PPP2R2C: variants seen among roughly 807,000 people sequenced by gnomAD.
PPP2R2C encodes protein phosphatase 2, regulatory subunit B, gamma.
PPP2R2C carries 10 observed loss-of-function variants against 45.3 expected under a neutral mutation model. The ratio of observed to expected loss-of-function variants is 0.22; its 90% CI spans 0.14 to 0.37. The LOEUF is 0.37. Ranked by LOEUF, PPP2R2C falls within the 10% of genes least tolerant of loss-of-function variation. The probability of loss-of-function intolerance (pLI) is 1.00; values close to 1 mark genes in which losing one functional copy is unlikely to be tolerated. For missense variants in PPP2R2C, 308 were observed against 619.7 expected, an observed-to-expected ratio of 0.50 and a Z score of 5.34; for synonymous variants, 257 against 245.4, an observed-to-expected ratio of 1.05 and a Z score of -0.44.
At chr4:6,448,227 G>C (rs1720536583) in intron 1 of PPP2R2C, among the ~76,000 whole-genome samples, 3 of 152,150 alleles carry the variant, frequency 2.0e-5, no homozygotes, top group African/African-American at 7.2e-5. Context: ...CACCGCTGCA[G>C]GATTTAAGAA....
rs371274076 is a variant in PPP2R2C, at chr4:6,436,452, G to A, written c.70+35708C>T. Reference sequence around the variant, plus strand: ...TTTACTGCACTTCCCCACATATGAGGTTCCAGAAGCTATGGTTCCATCAAA... The same window carrying A: ...TTTACTGCACTTCCCCACATATGAGATTCCAGAAGCTATGGTTCCATCAAA... On this transcript the variant is annotated intron_variant, in intron 1 of 8. Transcript: ENST00000382599. Among the ~76,000 whole-genome samples the A allele has an allele frequency of 1.8e-4, 28 of 152,286 alleles. No individual in the cohort carries two copies. In the East Asian group the frequency reaches 3.9e-3, roughly 21 times the overall value.
chr4:6,458,470 C>T (rs1200837674), intron 1 of PPP2R2C, among the ~76,000 whole-genome samples: 1 of 152,152 alleles, frequency 6.6e-6, no homozygotes, highest in Admixed American at 6.5e-5. Context: ...TTTATAAGGG[C>T]ACTAATCCCA....
At chr4:6,534,135 AAC>A (rs1282087593) in intron 2 of PPP2R2C, among the ~76,000 whole-genome samples, 1 of 149,930 alleles carries the variant, frequency 6.7e-6, no homozygotes, top group East Asian at 2.0e-4. Flanking sequence ...CACATACACT[AAC>A]ACACACACCA....
At position 6,384,393 on chromosome 4, in the gene PPP2R2C, G is replaced by A. The variant is rs114174438; in HGVS notation, c.71-3299C>T. 6.2e-5 allele frequency: 61 copies of A among 985,176 alleles called. No individual in the cohort carries two copies. The East Asian group carries it at 6.8e-4, about 11-fold the overall frequency. The allele number at this position is 985,176 out of a possible 1,614,324, so 61.0% of individuals were successfully genotyped here. ...GAAGAGAATTCTCCAAAATGTGAAC[G>A]GAGGTAGCTTTAGGGTAGCTGGAAC... On this transcript the variant is annotated intron_variant, in intron 1 of 8. Coordinates refer to ENST00000382599, the MANE Select transcript of PPP2R2C (RefSeq NM_020416.4).
At chr4:6,541,632 T>C (rs1429854577) in intron 1 of PPP2R2C, among the ~76,000 whole-genome samples, 4 of 152,146 alleles carry the variant, frequency 2.6e-5, no homozygotes, top group Non-Finnish European at 4.4e-5. Flanking sequence ...CTGCAACCTC[T>C]GCCTCCCAGG....
At chr4:6,348,570 G>T in intron 5 of PPP2R2C, 3 of 893,074 alleles carry the variant, frequency 3.4e-6, no homozygotes, top group Non-Finnish European at 4.0e-6. Context: ...TCTCCTTTGG[G>T]CAAAGGTTCT....
At chr4:6,542,540 A>C (rs922631178) in intron 1 of PPP2R2C, among the ~76,000 whole-genome samples, 3 of 151,930 alleles carry the variant, frequency 2.0e-5, no homozygotes, top group African/African-American at 4.8e-5. Context: ...CTAAAAATAC[A>C]AAAAATTAGC....
chr4:6,337,108 GTGTGTATATATATA>G lies in PPP2R2C; in HGVS notation c.791-3391_791-3378del, dbSNP rs1290257378. On this transcript the variant is annotated intron_variant, in intron 6 of 8. Transcript: ENST00000382599. ...TTGGCATCTTTGTTTCTGTATGTGT[GTGTGTATATATATA>G]TATATATATATATATATATATATAT... Among the ~76,000 whole-genome samples, 87 of 33,244 alleles carry G rather than the reference GTGTGTATATATATA, an allele frequency of 2.6e-3. 6 individuals carry two copies. Among genetic ancestry groups the G allele is most frequent in the African/African-American group, 5.0e-3 (64 of 12,922 alleles). The allele number at this position is 33,244 out of a possible 152,430, so 21.8% of individuals were successfully genotyped here. A position where few individuals can be genotyped will look rare whatever the true frequency, so the allele number is the denominator to read the frequency against.
intron 1 of PPP2R2C, among the ~76,000 whole-genome samples, chr4:6,427,301 G>A (rs1719382664): frequency 6.6e-6 from 1 of 152,232 alleles, no homozygotes; most frequent in Non-Finnish European, 1.5e-5. Flanking sequence ...GCATCTCAAT[G>A]CTCAAACGAG....
At chr4:6,477,517 G>C (rs1423245273), upstream of PPP2R2C, among the ~76,000 whole-genome samples, 3 of 152,002 alleles carry the variant, frequency 2.0e-5, no homozygotes, top group Admixed American at 6.6e-5. Context: ...ACAAGGTCAG[G>C]AGATCAAGAC....
intron 1 of PPP2R2C, among the ~76,000 whole-genome samples, chr4:6,454,521 C>T (rs1720911152): frequency 1.3e-5 from 2 of 152,314 alleles, no homozygotes; most frequent in South Asian, 2.1e-4. Context: ...CCCCACCCCG[C>T]AGAAAATGTG....
intron 5 of PPP2R2C, among the ~76,000 whole-genome samples, chr4:6,371,616 G>A (rs1714834122): frequency 6.6e-6 from 1 of 152,160 alleles, no homozygotes; most frequent in South Asian, 2.1e-4. Flanking sequence ...GGGCCTGAGG[G>A]CCTGGGTTTC....
rs188742558 is a variant in PPP2R2C at position 6,505,450 on chromosome 4, T to A, written c.49+29821A>T. Among the ~76,000 whole-genome samples, 262 of 152,338 alleles carry A rather than the reference T, an allele frequency of 1.7e-3. 1 individual carries two copies. Among genetic ancestry groups the A allele is most frequent in the African/African-American group, 6.1e-3 (255 of 41,572 alleles). ...TTACATTGTATTGTGAGGTTTATAG[T>A]ATATATCAATATAATCCATTCGATA... On this transcript the variant is annotated intron_variant, in intron 2 of 9. Coordinates refer to the PPP2R2C transcript ENST00000506140.
chr4:6,472,440 C>A lies in PPP2R2C; in HGVS notation c.-211G>T. On this transcript the variant is annotated 5_prime_UTR_variant, in exon 1 of 9. Coordinates refer to ENST00000382599, the MANE Select transcript of PPP2R2C (RefSeq NM_020416.4). Reference sequence around the variant, plus strand: ...AAGCGAGCGCGCGGTGGGCGGGCGGCGGCCGCGGGTTCGGGCGGGCCGGGG... The same window carrying A: ...AAGCGAGCGCGCGGTGGGCGGGCGGAGGCCGCGGGTTCGGGCGGGCCGGGG... 1.9e-6 allele frequency: 1 copy of A among 531,354 alleles called. No individual in the cohort carries two copies. Among genetic ancestry groups the A allele is most frequent in the Non-Finnish European group, 2.4e-6 (1 of 417,970 alleles). The allele number at this position is 531,354 out of a possible 1,614,324, so 32.9% of individuals were successfully genotyped here. A position where few individuals can be genotyped will look rare whatever the true frequency, so the allele number is the denominator to read the frequency against.
At chr4:6,494,888 T>TGGCTGCCCTGTCCAGA (rs1381114065) in intron 2 of PPP2R2C, among the ~76,000 whole-genome samples, 1 of 152,244 alleles carries the variant, frequency 6.6e-6, no homozygotes, top group Non-Finnish European at 1.5e-5. Flanking sequence ...AGAACTCTCC[T>TGGCTGCCCTGTCCAGA]GGCTGCCCTG....
intron 1 of PPP2R2C, among the ~76,000 whole-genome samples, chr4:6,542,559 G>C (rs1577249176): frequency 6.6e-6 from 1 of 152,016 alleles, no homozygotes; most frequent in East Asian, 1.9e-4. Context: ...GCCAGGCATG[G>C]TGGCATGGTG....
At chr4:6,530,546 C>T (rs1724362035) in intron 2 of PPP2R2C, among the ~76,000 whole-genome samples, 1 of 151,658 alleles carries the variant, frequency 6.6e-6, no homozygotes, top group Non-Finnish European at 1.5e-5. Flanking sequence ...GACTGTCACC[C>T]ACCACGCAAC....
At chr4:6,358,381 C>A (rs1428964453) in intron 5 of PPP2R2C, among the ~76,000 whole-genome samples, 2 of 151,832 alleles carry the variant, frequency 1.3e-5, no homozygotes, top group African/African-American at 4.9e-5. Flanking sequence ...ACCAGAAAAA[C>A]CATAGAAAAA....
intron 1 of PPP2R2C, chr4:6,381,849 C>A (rs1307969329): frequency 1.9e-6 from 3 of 1,613,432 alleles, no homozygotes; most frequent in Non-Finnish European, 2.5e-6. Flanking sequence ...AGCCCCATCT[C>A]CAGGCCCCAC....
Sources: allele counts gnomAD v4.1 joint callset (sites outside exome capture counted in the v4.1 genomes callset), GRCh38; gene constraint gnomAD v4.1.1; transcripts MANE v1.5; gene names NCBI Gene and HGNC (gene_info 2026-07-23, HGNC 2026-07-21).